CDC73: variants seen among roughly 807,000 people sequenced by gnomAD.
CDC73 encodes the protein parafibromin.
CDC73 carries 21 observed loss-of-function variants against 83.7 expected under a neutral mutation model. The observed-to-expected ratio is 0.25, with a 90% confidence interval of 0.18 to 0.36. The LOEUF is 0.36. CDC73 is among the 10% of genes least tolerant of loss of function. The pLI, the probability that CDC73 is intolerant of heterozygous loss-of-function variation, is 1.00. For missense variants in CDC73, 342 were observed against 653.3 expected, an observed-to-expected ratio of 0.52 and a Z score of 5.19; for synonymous variants, 224 against 212.9, an observed-to-expected ratio of 1.05 and a Z score of -0.45.
chr1:193,218,976 A>G (rs1677416809), intron 13 of CDC73, among the ~76,000 whole-genome samples: 1 of 152,222 alleles, frequency 6.6e-6, no homozygotes, highest in South Asian at 2.1e-4. Context: ...GACAACATAC[A>G]GAATGGGAGA....
intron 10 of CDC73, chr1:193,181,083 C>G: frequency 2.5e-6 from 4 of 1,614,030 alleles, no homozygotes; most frequent in Non-Finnish European, 3.4e-6. Flanking sequence ...TTTGTCCAGG[C>G]TCTGCAGCTA....
chr1:193,152,283 C>T, intron 9 of CDC73, 97 bp from the exon 10 acceptor site: 1 of 764,884 alleles, frequency 1.3e-6, no homozygotes, highest in Non-Finnish European at 2.3e-6. Context: ...TATTATTGAA[C>T]CATCACATTC....
In CDC73 at chr1:193,177,618, C is replaced by T. The variant is rs554759296; in HGVS notation, c.972+25174C>T. On this transcript the variant is annotated intron_variant, in intron 10 of 16. Transcript: ENST00000367435. The stretch of plus-strand genomic sequence containing the variant: ...GATCTTAGGTATTTAACCTCTTACA[C>T]GAGTCCTTCCTGTCTTAGTGTTGTT... 6.6e-5 allele frequency among the ~76,000 whole-genome samples: 10 copies of T among 151,882 alleles called. No homozygotes were observed. The South Asian group carries it at 8.3e-4, about 13-fold the overall frequency.
intron 13 of CDC73, among the ~76,000 whole-genome samples, chr1:193,222,226 A>T (rs1361404271): frequency 6.6e-6 from 1 of 152,120 alleles, no homozygotes; most frequent in Non-Finnish European, 1.5e-5. Flanking sequence ...TGGCAGCCAC[A>T]TGGGGCCGAG....
rs770454511 is a variant in CDC73 at position 193,147,825 on chromosome 1, T to G, written c.730-42T>G. On this transcript the variant is annotated intron_variant, in intron 7 of 16. Transcript: ENST00000367435. ...AAATTATCAACTAAATTTACTATTG[T>G]ATATTTAAAGTGGGCTTAATTAAAA... The G allele has an allele frequency of 4.8e-5, 50 of 1,038,270 alleles. No homozygotes were observed. In the South Asian group the frequency reaches 6.3e-4, roughly 13 times the overall value. The allele number at this position is 1,038,270 out of a possible 1,614,324, so 64.3% of individuals were successfully genotyped here. A position where few individuals can be genotyped will look rare whatever the true frequency, so the allele number is the denominator to read the frequency against.
At position 193,147,923 on chromosome 1, in the gene CDC73, G is replaced by T. The variant is rs764471804; in HGVS notation, c.786G>T (p.Gly262=). Residue 262 remains glycine (G), a synonymous_variant, in exon 8 of 17, where the codon GGG becomes GGT. Transcript: ENST00000367435. The part of the protein sequence containing the change: ...ILQSVKAREE[G]RAPEQRPAPN... ...AATCTGTAAAAGCCAGAGAAGAAGG[G>T]CGTGCACCTGAACAGCGACCTGCCC... 6 of 1,613,618 alleles carry T rather than the reference G, an allele frequency of 3.7e-6. No homozygotes were observed. The South Asian group carries it at 4.4e-5, about 12-fold the overall frequency.
At chr1:193,230,457 ATTTTTTTTTTTT>A (rs752027731) in intron 13 of CDC73, among the ~76,000 whole-genome samples, 1,680 of 90,776 alleles carry the variant, frequency 0.019, 23 homozygotes, top group South Asian at 0.046. Context: ...CTAATCCCGT[ATTTTTTTTTTTT>A]TTTTTTTTTT....
chr1:193,163,913 G>A (rs1676387463), intron 10 of CDC73, among the ~76,000 whole-genome samples: 1 of 151,986 alleles, frequency 6.6e-6, no homozygotes, highest in Admixed American at 6.6e-5. Context: ...TGAGTAGCTG[G>A]TATTACAGGT....
At chr1:193,220,013 G>A (rs1003208433) in intron 13 of CDC73, among the ~76,000 whole-genome samples, 2 of 152,062 alleles carry the variant, frequency 1.3e-5, no homozygotes, top group Non-Finnish European at 2.9e-5. Flanking sequence ...ATTATATTTT[G>A]TAATCTGAAT....
chr1:193,226,310 A>G (rs1469054989), intron 13 of CDC73, among the ~76,000 whole-genome samples: 1 of 152,156 alleles, frequency 6.6e-6, no homozygotes, highest in African/African-American at 2.4e-5. Context: ...CCTATTTTAT[A>G]CCAGTGCCAT....
chr1:193,164,464 T>G (rs930882685), intron 10 of CDC73, among the ~76,000 whole-genome samples: 25 of 152,192 alleles, frequency 1.6e-4, no homozygotes, highest in Admixed American at 1.6e-3. Flanking sequence ...AAATGCTGAT[T>G]TATTAATTTG....
Position 193,254,587 on chromosome 1 carries a change from A to G in CDC73, c.*3875A>G, listed in dbSNP as rs1678100975. Among the ~76,000 whole-genome samples the G allele has an allele frequency of 6.6e-6, 1 of 152,138 alleles. No individual in the cohort carries two copies. Among genetic ancestry groups the G allele is most frequent in the Non-Finnish European group, 1.5e-5 (1 of 67,992 alleles). ...TATCTGTTGGAATAATAACTAAGGA[A>G]AAATTGAAAATGTATAATAGATGTA... is the stretch of plus-strand genomic sequence containing the variant. On this transcript the variant is annotated 3_prime_UTR_variant, in exon 17 of 17. Coordinates refer to ENST00000367435, the MANE Select transcript of CDC73 (RefSeq NM_024529.5).
At chr1:193,177,485 G>A (rs1277996169) in intron 10 of CDC73, among the ~76,000 whole-genome samples, 3 of 150,112 alleles carry the variant, frequency 2.0e-5, no homozygotes, top group East Asian at 2.0e-4. Context: ...AGCCGAGATC[G>A]GGCCACTGCA....
chr1:193,243,284 T>A (rs1219784778), intron 15 of CDC73, among the ~76,000 whole-genome samples: 2 of 152,186 alleles, frequency 1.3e-5, no homozygotes, highest in African/African-American at 2.4e-5. Flanking sequence ...CTTTTAATAC[T>A]TTTTCTGAAT....
At chr1:193,193,655 A>G (rs547669599) in intron 10 of CDC73, among the ~76,000 whole-genome samples, 25 of 152,214 alleles carry the variant, frequency 1.6e-4, no homozygotes, top group Admixed American at 9.8e-4. Flanking sequence ...AACATATTGT[A>G]TATTTCTTTT....
chr1:193,169,969 C>T (rs945631816), intron 10 of CDC73, among the ~76,000 whole-genome samples: 6 of 152,076 alleles, frequency 3.9e-5, no homozygotes, highest in Admixed American at 6.5e-5. Flanking sequence ...CTCCGACAGG[C>T]CCCAGTATGT....
At chr1:193,212,561 T>A in intron 13 of CDC73, 84 bp downstream of exon 13, 2 of 944,212 alleles carry the variant, frequency 2.1e-6, no homozygotes, top group Non-Finnish European at 3.3e-6. Context: ...TATTACTTAT[T>A]TGGAAAAAAC....
chr1:193,147,596 C>T (rs1169524957), intron 7 of CDC73, among the ~76,000 whole-genome samples: 1 of 152,120 alleles, frequency 6.6e-6, no homozygotes, highest in Non-Finnish European at 1.5e-5. Context: ...TCTCCATCTC[C>T]TGACCTCGTG....
At position 193,236,285 on chromosome 1, in the gene CDC73, G is replaced by T. The variant is rs1677756793; in HGVS notation, c.1346G>T (p.Gly449Val). Residue 449 changes from glycine (G) to valine (V), a missense_variant, in exon 15 of 17, where the codon GGT (glycine) becomes GTT (valine). Physicochemically the swap from Gly to Val is moderately radical, Grantham distance 109. This residue lies in a region of CDC73 where 239 missense variants were observed against 420.6 expected (regional missense o/e 0.57). Coordinates refer to ENST00000367435, the MANE Select transcript of CDC73 (RefSeq NM_024529.5). The part of the protein sequence containing the change: ...WDRVVAVFVQ[G>V]PAWQFKGWPW... ...CGCGTTGTAGCCGTTTTTGTGCAGG[G>T]TCCTGCATGGCAGTTCAAAGGTTGG... is the stretch of plus-strand genomic sequence containing the variant. 6.2e-7 allele frequency: 1 copy of T among 1,613,852 alleles called. No homozygotes were observed. The highest frequency in any genetic ancestry group is 8.5e-7 in the Non-Finnish European group (1 of 1,179,866).
Sources: allele counts gnomAD v4.1 joint callset (sites outside exome capture counted in the v4.1 genomes callset), GRCh38; gene constraint gnomAD v4.1.1; regional missense constraint gnomAD v4.1.1; transcripts MANE v1.5; gene names NCBI Gene and HGNC (gene_info 2026-07-23, HGNC 2026-07-21).